Variants in PTK2 observed in about 807,000 individuals in gnomAD.
PTK2 encodes focal adhesion kinase 1.
In PTK2, 45 loss-of-function variants were observed where a neutral mutation model predicts 150.1. The ratio of observed to expected loss-of-function variants is 0.30; its 90% CI spans 0.24 to 0.38. PTK2 has a LOEUF of 0.38. Ranked by LOEUF, PTK2 falls within the 10% of genes least tolerant of loss-of-function variation. The probability of loss-of-function intolerance (pLI) is 1.00; values close to 1 mark genes in which losing one functional copy is unlikely to be tolerated. For synonymous variants in PTK2, 432 were observed against 449.2 expected (o/e 0.96, Z 0.48); for missense variants, 919 against 1,307.3 (o/e 0.70, Z 4.58).
At chr8:140,851,631 G>A (rs1180091465) in intron 5 of PTK2, among the ~76,000 whole-genome samples, 1 of 152,162 alleles carries the variant, frequency 6.6e-6, no homozygotes, top group African/African-American at 2.4e-5. Context: ...GGCCAAGGCA[G>A]GTGGATCGCT....
chr8:140,789,542 G>C lies in PTK2; in HGVS notation c.1125-16C>G. On this transcript the variant is annotated splice_polypyrimidine_tract_variant and intron_variant, in intron 13 of 31. Transcript: ENST00000522684. The stretch of plus-strand genomic sequence containing the variant: ...GTTGGCCAACCTGTGACAGACAAGA[G>C]CAAAGCTGTAAGCCCTGCAATTTCC... The C allele has an allele frequency of 6.2e-7, 1 of 1,611,678 alleles. No individual in the cohort carries two copies. The highest frequency in any genetic ancestry group is 8.5e-7 in the Non-Finnish European group (1 of 1,178,964).
At chr8:140,875,663 C>T (rs2100145056) in intron 4 of PTK2, among the ~76,000 whole-genome samples, 1 of 152,164 alleles carries the variant, frequency 6.6e-6, no homozygotes, top group Non-Finnish European at 1.5e-5. Context: ...AAATACAATC[C>T]TGTACAACTG....
chr8:140,979,462 A>G (rs2100190580), intron 1 of PTK2, among the ~76,000 whole-genome samples: 1 of 152,170 alleles, frequency 6.6e-6, no homozygotes, highest in African/African-American at 2.4e-5. Context: ...ACAGATAGCA[A>G]ATATATTAAA....
chr8:140,662,013 T>G (rs979344437), intron 31 of PTK2, among the ~76,000 whole-genome samples: 44 of 152,080 alleles, frequency 2.9e-4, no homozygotes, highest in African/African-American at 1.0e-3. Flanking sequence ...AAAAATGATT[T>G]AAGGCCAGGT....
intron 4 of PTK2, among the ~76,000 whole-genome samples, chr8:140,877,912 T>C (rs2100146655): frequency 6.6e-6 from 1 of 152,156 alleles, no homozygotes; most frequent in Admixed American, 6.5e-5. Context: ...AAGGATTTCA[T>C]TATAACAAAG....
chr8:140,797,339 T>C (rs1432286840), intron 12 of PTK2, among the ~76,000 whole-genome samples: 3 of 152,182 alleles, frequency 2.0e-5, no homozygotes, highest in African/African-American at 7.2e-5. Context: ...TAATTATTTA[T>C]TATATGTGTC....
intron 22 of PTK2, among the ~76,000 whole-genome samples, chr8:140,731,541 CTA>C (rs1444917026): frequency 6.6e-6 from 1 of 152,268 alleles, no homozygotes; most frequent in Admixed American, 6.5e-5. Flanking sequence ...GGTGATTTTC[CTA>C]TGAGTTTGCC....
At chr8:140,675,794 A>C (rs1190343275) in intron 27 of PTK2, 1 of 254,658 alleles carries the variant, frequency 3.9e-6, no homozygotes, top group Non-Finnish European at 7.4e-6. Flanking sequence ...AGCTGAGGAG[A>C]ATGTAAATTA....
intron 1 of PTK2, among the ~76,000 whole-genome samples, chr8:140,936,497 G>A (rs1013174866): frequency 6.6e-6 from 1 of 152,072 alleles, no homozygotes; most frequent in Non-Finnish European, 1.5e-5. Context: ...ATGCAAATAT[G>A]GGGGCCTTCC....
At chr8:140,899,254 G>C (rs1004985089) in intron 2 of PTK2, among the ~76,000 whole-genome samples, 1 of 151,974 alleles carries the variant, frequency 6.6e-6, no homozygotes. Flanking sequence ...TCTAGGCTAG[G>C]AAATAAAAGG....
chr8:140,874,019 C>A (rs983829402), intron 4 of PTK2, among the ~76,000 whole-genome samples: 1 of 152,118 alleles, frequency 6.6e-6, no homozygotes, highest in African/African-American at 2.4e-5. Flanking sequence ...TATTTTTTTA[C>A]AGTTTTGCAT....
chr8:140,985,336 G>A lies in PTK2; in HGVS notation c.-122+15789C>T, dbSNP rs190078481. On this transcript the variant is annotated intron_variant, in intron 1 of 31. Transcript: ENST00000522684. ...GACAAGGTCTCACTATGATCCCCAG[G>A]CTGGTCTCAAACTCCTAGACTCAAG... Among the ~76,000 whole-genome samples, 198 of 152,080 alleles carry A rather than the reference G, an allele frequency of 1.3e-3. 1 individual carries two copies. Among genetic ancestry groups the A allele is most frequent in the African/African-American group, 4.6e-3 (192 of 41,456 alleles).
exon 15 of PTK2, chr8:140,764,238 G>T: frequency 6.2e-7 from 1 of 1,608,632 alleles, no homozygotes. Context: ...ACTTACTTGA[G>T]GGCATGGTGT....
At chr8:140,659,470 T>C (rs2152394886) in exon 32 of PTK2, 1 of 1,611,656 alleles carries the variant, frequency 6.2e-7, no homozygotes, top group African/African-American at 1.3e-5. Context: ...GGAGGCTCAG[T>C]GTGGTCTCGT....
chr8:140,671,685 G>T (rs183433294), intron 29 of PTK2, among the ~76,000 whole-genome samples: 2 of 150,930 alleles, frequency 1.3e-5, no homozygotes, highest in African/African-American at 4.9e-5. Context: ...AGGCCGAGGC[G>T]GGCGGATCAC....
intron 2 of PTK2, among the ~76,000 whole-genome samples, chr8:140,914,125 G>A (rs2100164260): frequency 6.6e-6 from 1 of 152,008 alleles, no homozygotes; most frequent in African/African-American, 2.4e-5. Context: ...ACTTTTCTAG[G>A]TAAAGAAGTT....
exon 7 of PTK2, chr8:140,846,265 T>A: frequency 1.2e-6 from 2 of 1,608,854 alleles, no homozygotes; most frequent in South Asian, 2.2e-5. Context: ...CTTACTCTAA[T>A]ACTTCATAGT....
At chr8:140,971,777 G>A (rs2100187363) in intron 1 of PTK2, among the ~76,000 whole-genome samples, 1 of 152,216 alleles carries the variant, frequency 6.6e-6, no homozygotes, top group African/African-American at 2.4e-5. Flanking sequence ...CAAATTTGCA[G>A]TGGATATATT....
intron 27 of PTK2, among the ~76,000 whole-genome samples, chr8:140,679,952 T>C (rs4961284): frequency 0.28 from 42,857 of 152,086 alleles, 6,499 homozygotes; most frequent in Admixed American, 0.4. Context: ...CATAGCGTGT[T>C]AACAGTCCCC....
Sources: allele counts gnomAD v4.1 joint callset (sites outside exome capture counted in the v4.1 genomes callset), GRCh38; gene constraint gnomAD v4.1.1; transcripts MANE v1.5; gene names NCBI Gene and HGNC (gene_info 2026-07-23, HGNC 2026-07-21).